Variants in WDR17 observed in about 807,000 individuals in gnomAD.
WDR17 encodes the protein WD repeat-containing protein 17.
A neutral mutation model predicts 161.7 loss-of-function variants in WDR17; 143 were observed. The ratio of observed to expected loss-of-function variants is 0.88; its 90% CI spans 0.77 to 1.02. The LOEUF (loss-of-function observed/expected upper bound fraction) is 1.02. WDR17 is among the 50% of genes least tolerant of loss of function. The pLI, the probability that WDR17 is intolerant of heterozygous loss-of-function variation, is 0.00. For missense variants in WDR17, 1,469 were observed against 1,520.9 expected (o/e 0.97, Z 0.57); for synonymous variants, 517 against 515.6 (o/e 1.00, Z -0.04).
At chr4:176,139,794 C>T (rs1744961265) in intron 9 of WDR17, 98 bp from the exon 10 acceptor site, 1 of 971,048 alleles carries the variant, frequency 1.0e-6, no homozygotes, top group Non-Finnish European at 1.5e-6. Context: ...ATCTAAAGCA[C>T]ATTCCTAACA....
intron 1 of WDR17, among the ~76,000 whole-genome samples, chr4:176,078,830 A>G (rs374028644): frequency 1.3e-5 from 2 of 152,048 alleles, no homozygotes; most frequent in Non-Finnish European, 2.9e-5. Flanking sequence ...TAATCAAATC[A>G]GGATAGTATA....
In WDR17 at chr4:176,135,165, G is replaced by T; in HGVS notation, c.1156G>T (p.Ala386Ser). The change falls in exon 8 of 29, where the codon GCA (alanine) becomes TCA (serine). Residue 386 changes from alanine (A) to serine (S), a missense_variant. Ala to Ser is a moderately conservative substitution (Grantham distance 99). Coordinates refer to ENST00000508596, the MANE Select transcript of WDR17 (RefSeq NM_181265.4). ...CAAACCTGACGATCCTAATCTTTTA[G>T]CAACAGCTTCATTTGATGGCACTAT... Reference protein sequence around the residue: ...KFKPDDPNLLATASFDGTIKV... With the variant: ...KFKPDDPNLLSTASFDGTIKV... The T allele has an allele frequency of 6.2e-7, 1 of 1,612,244 alleles. No individual in the cohort carries two copies. Among genetic ancestry groups the T allele is most frequent in the Non-Finnish European group, 8.5e-7 (1 of 1,178,618 alleles).
At chr4:176,151,419 T>A (rs1350634997) in intron 16 of WDR17, among the ~76,000 whole-genome samples, 2 of 152,218 alleles carry the variant, frequency 1.3e-5, no homozygotes, top group Non-Finnish European at 2.9e-5. Flanking sequence ...CAAAATATTA[T>A]GTTTAGAAAC....
At chr4:176,161,491 G>A (rs920691672) in intron 20 of WDR17, among the ~76,000 whole-genome samples, 69 of 152,090 alleles carry the variant, frequency 4.5e-4, no homozygotes, top group African/African-American at 1.6e-3. Flanking sequence ...GAATTTTTCA[G>A]CCTTCTAACC....
chr4:176,142,234 A>T (rs1008370005), intron 11 of WDR17, among the ~76,000 whole-genome samples, 165 bp downstream of exon 11: 31 of 152,200 alleles, frequency 2.0e-4, no homozygotes, highest in Admixed American at 2.0e-3. Context: ...CATTTATTTT[A>T]GTTATTTTTA....
intron 2 of WDR17, among the ~76,000 whole-genome samples, chr4:176,115,594 A>G (rs930446788): frequency 1.2e-4 from 18 of 151,776 alleles, no homozygotes; most frequent in Non-Finnish European, 2.4e-4. Flanking sequence ...TTATTCTCTC[A>G]GTTTTTAATG....
At chr4:176,132,772 C>A (rs1743675150) in intron 7 of WDR17, among the ~76,000 whole-genome samples, 2 of 151,466 alleles carry the variant, frequency 1.3e-5, no homozygotes, top group African/African-American at 4.8e-5. Flanking sequence ...TTTTTGTATA[C>A]TTCAAATTAC....
chr4:176,163,810 C>T (rs1476693513), intron 22 of WDR17, among the ~76,000 whole-genome samples: 1 of 152,162 alleles, frequency 6.6e-6, no homozygotes, highest in Non-Finnish European at 1.5e-5. Context: ...CAGGGCAAAG[C>T]AATTCCAGCT....
chr4:176,131,238 A>G (rs1231298115), intron 6 of WDR17, among the ~76,000 whole-genome samples: 1 of 152,146 alleles, frequency 6.6e-6, no homozygotes, highest in Non-Finnish European at 1.5e-5. Flanking sequence ...TTTTGAAGGA[A>G]GTTTATAATT....
rs757197353 is a variant in WDR17 at position 176,137,581 on chromosome 4, A to G, written c.1329A>G (p.Gln443=). Residue 443 remains glutamine (Q), a synonymous_variant, in exon 9 of 29, where the codon CAA becomes CAG. Transcript: ENST00000508596. ...SRNGAFIWNV[Q]KGKIIQRFNE... ...ATGGTGCTTTTATTTGGAATGTTCA[A>G]AAGGGCAAAATTATACAACGATTTA... 7.5e-6 allele frequency: 12 copies of G among 1,597,950 alleles called. No homozygotes were observed. The South Asian group carries it at 1.2e-4, about 17-fold the overall frequency.
chr4:176,075,063 A>G (rs894364227), intron 1 of WDR17, among the ~76,000 whole-genome samples: 1 of 151,812 alleles, frequency 6.6e-6, no homozygotes, highest in African/African-American at 2.4e-5. Context: ...CATAAGTCTG[A>G]CATGCCTTTT....
chr4:176,123,031 C>T (rs1261478381), intron 4 of WDR17, among the ~76,000 whole-genome samples: 1 of 151,950 alleles, frequency 6.6e-6, no homozygotes, highest in African/African-American at 2.4e-5. Flanking sequence ...GATTCCAGGG[C>T]AAAAAAATTG....
intron 1 of WDR17, among the ~76,000 whole-genome samples, chr4:176,110,951 C>A (rs1038826435): frequency 1.3e-5 from 2 of 152,168 alleles, no homozygotes; most frequent in African/African-American, 4.8e-5. Context: ...TGTTCAGATA[C>A]TTTTCAGCTT....
Position 176,172,408 on chromosome 4 carries a change from T to C in WDR17, c.3136T>C (p.Leu1046=), listed in dbSNP as rs759202138. Residue 1046 remains leucine (L), a synonymous_variant, in exon 24 of 29, where the codon TTA becomes CTA. Transcript: ENST00000508596. ...ACCCACAGTGGAAGAATGTATGCAGTTAGCTGAGACAGCCCGTGCAGATGA... is the reference window on the plus strand; with the variant it reads ...ACCCACAGTGGAAGAATGTATGCAGCTAGCTGAGACAGCCCGTGCAGATGA... ...KLPTVEECMQ[L]AETARADDNI... 1 of 1,610,572 alleles carries C rather than the reference T, an allele frequency of 6.2e-7. No individual in the cohort carries two copies. Among genetic ancestry groups the C allele is most frequent in the Non-Finnish European group, 8.5e-7 (1 of 1,179,148 alleles).
chr4:176,138,938 TAG>T (rs1744832944), intron 9 of WDR17, among the ~76,000 whole-genome samples: 1 of 151,800 alleles, frequency 6.6e-6, no homozygotes, highest in Admixed American at 6.6e-5. Flanking sequence ...TATGGGATAG[TAG>T]AGAGTCATAA....
chr4:176,139,893 A>T lies in WDR17; in HGVS notation c.1361A>T (p.His454Leu). The change falls in exon 10 of 29, where the codon CAT becomes CTT. Residue 454 changes from histidine to leucine, a missense_variant and splice_region_variant. Physicochemically the swap from His to Leu is moderately conservative, Grantham distance 99. Transcript: ENST00000508596. ...ATAGGTATTTTACATTTTTTGAAGC[A>T]TGGAACAAATGGAATATTCTGCATT... ...KGKIIQRFNE[H>L]GTNGIFCIAW... 3.1e-6 allele frequency: 5 copies of T among 1,605,056 alleles called. No homozygotes were observed. The highest frequency in any genetic ancestry group is 4.2e-6 in the Non-Finnish European group (5 of 1,176,706).
At chr4:176,128,412 C>A (rs1199066843) in intron 5 of WDR17, among the ~76,000 whole-genome samples, 1 of 151,854 alleles carries the variant, frequency 6.6e-6, no homozygotes. Context: ...TGTGGCTGGC[C>A]TTTCCTAGAA....
At chr4:176,173,491 A>G (rs543446792) in intron 25 of WDR17, 122 bp downstream of exon 25, 1 of 572,470 alleles carries the variant, frequency 1.7e-6, no homozygotes, top group Non-Finnish European at 3.0e-6. Flanking sequence ...ACACTTGTAG[A>G]AATATTATAT....
rs755639536 is a variant in WDR17 at position 176,151,912 on chromosome 4, A to G, written c.2405A>G (p.His802Arg). 4.3e-6 allele frequency: 7 copies of G among 1,613,256 alleles called. No individual in the cohort carries two copies. The highest frequency in any genetic ancestry group is 1.6e-4 in the Middle Eastern group (1 of 6,080). The part of the protein sequence containing the change: ...EERLKEAAEI[H>R]LRLGQIQRYC... ...AGACTGAAGGAAGCTGCTGAAATCCACTTGAGATTAGGACAAATTCAGAGA... is the reference window on the plus strand; with the variant it reads ...AGACTGAAGGAAGCTGCTGAAATCCGCTTGAGATTAGGACAAATTCAGAGA... The change falls in exon 17 of 29, where the codon CAC (histidine) becomes CGC (arginine). Residue 802 changes from histidine to arginine, a missense_variant. His to Arg is a conservative substitution (Grantham distance 29). Transcript: ENST00000508596.
Sources: gnomAD v4.1 joint callset for allele counts (sites outside exome capture counted in the v4.1 genomes callset) on GRCh38, gnomAD v4.1.1 for gene constraint, MANE v1.5 for transcripts, NCBI Gene and HGNC (gene_info 2026-07-23, HGNC 2026-07-21) for gene names.